Variants in ANO3 observed in about 807,000 individuals in gnomAD.
ANO3 encodes the protein anoctamin-3.
Under a neutral mutation model 144.8 loss-of-function variants are expected in ANO3, and 99 were observed. That is an observed-to-expected ratio of 0.68 (90% CI 0.58 to 0.81). ANO3 has a LOEUF of 0.81. Ranked by LOEUF, ANO3 falls within the 30% of genes least tolerant of loss-of-function variation. ANO3 has a pLI of 0.00. For synonymous variants in ANO3, 414 were observed against 392.6 expected (o/e 1.05, Z -0.64); for missense variants, 905 against 1,202.2 (o/e 0.75, Z 3.66).
intron 1 of ANO3, among the ~76,000 whole-genome samples, chr11:26,230,068 T>C (rs1852356754): frequency 6.6e-6 from 1 of 152,182 alleles, no homozygotes; most frequent in East Asian, 1.9e-4. Context: ...TAGACTGGCA[T>C]GGATAGACTA....
intron 17 of ANO3, among the ~76,000 whole-genome samples, chr11:26,600,408 T>C: frequency 2.2e-5 from 1 of 45,932 alleles, no homozygotes; most frequent in African/African-American, 9.1e-5. Context: ...CCACCTCCCT[T>C]CCCCTGCCCT....
At chr11:26,364,731 G>A (rs116323508) in intron 1 of ANO3, among the ~76,000 whole-genome samples, 337 of 152,292 alleles carry the variant, frequency 2.2e-3, no homozygotes, top group Non-Finnish European at 4.0e-3. Context: ...AATCATTCAT[G>A]AGAAATCCAC....
At chr11:26,575,930 C>T (rs538640603) in intron 14 of ANO3, among the ~76,000 whole-genome samples, 3 of 152,144 alleles carry the variant, frequency 2.0e-5, no homozygotes, top group Admixed American at 6.5e-5. Flanking sequence ...AGCGTTGTTA[C>T]AAGATGATGG....
chr11:26,404,892 G>T (rs1266530721), intron 1 of ANO3, among the ~76,000 whole-genome samples: 1 of 150,184 alleles, frequency 6.7e-6, no homozygotes, highest in Non-Finnish European at 1.5e-5. Context: ...TGGAAGATTT[G>T]CTAATAACCA....
chr11:26,386,634 T>C (rs1056274672), intron 1 of ANO3, among the ~76,000 whole-genome samples: 1 of 152,176 alleles, frequency 6.6e-6, no homozygotes, highest in Admixed American at 6.6e-5. Flanking sequence ...ATTTCTGTAG[T>C]ATTTGTGCCA....
At chr11:26,467,148 T>TA (rs1859628410) in intron 4 of ANO3, among the ~76,000 whole-genome samples, 1 of 151,980 alleles carries the variant, frequency 6.6e-6, no homozygotes, top group South Asian at 2.1e-4. Context: ...TGCAATGTTT[T>TA]AAACAGTTTA....
At chr11:26,294,241 C>T (rs995770569) in intron 1 of ANO3, among the ~76,000 whole-genome samples, 3 of 152,102 alleles carry the variant, frequency 2.0e-5, no homozygotes, top group African/African-American at 7.2e-5. Flanking sequence ...ATCATATTTT[C>T]GACATGAATT....
At chr11:26,259,250 T>A (rs540709895) in intron 1 of ANO3, among the ~76,000 whole-genome samples, 1 of 152,310 alleles carries the variant, frequency 6.6e-6, no homozygotes, top group South Asian at 2.1e-4. Context: ...TTTGTATCTA[T>A]CTCTCCCTCT....
intron 1 of ANO3, among the ~76,000 whole-genome samples, chr11:26,195,465 A>G (rs191958635): frequency 6.6e-6 from 1 of 152,330 alleles, no homozygotes; most frequent in Admixed American, 6.5e-5. Flanking sequence ...TTAAGAGTTA[A>G]TGTAGCCTTT....
intron 1 of ANO3, among the ~76,000 whole-genome samples, chr11:26,314,560 G>A (rs1854578299): frequency 6.6e-6 from 1 of 152,096 alleles, no homozygotes; most frequent in African/African-American, 2.4e-5. Context: ...GATTATAAGT[G>A]AGAAAGGCAA....
intron 1 of ANO3, among the ~76,000 whole-genome samples, chr11:26,272,726 T>C (rs1028206820): frequency 6.6e-6 from 1 of 152,068 alleles, no homozygotes; most frequent in African/African-American, 2.4e-5. Context: ...AGAAAGGATA[T>C]CTATCTGCCT....
At chr11:26,277,417 T>A (rs56347193) in intron 1 of ANO3, among the ~76,000 whole-genome samples, 13,308 of 152,170 alleles carry the variant, frequency 0.087, 781 homozygotes, top group Non-Finnish European at 0.13. Flanking sequence ...AATTCTCATA[T>A]TGTCATCTTA....
intron 1 of ANO3, among the ~76,000 whole-genome samples, chr11:26,295,712 T>A (rs544266640): frequency 6.6e-6 from 1 of 152,248 alleles, no homozygotes; most frequent in African/African-American, 2.4e-5. Context: ...AGTTGTCAAA[T>A]CAGATTAAAA....
chr11:26,302,106 T>A (rs1590245262), intron 1 of ANO3, among the ~76,000 whole-genome samples: 2 of 152,214 alleles, frequency 1.3e-5, no homozygotes, highest in South Asian at 2.1e-4. Flanking sequence ...CTGTCTCATA[T>A]AATTTCTTAT....
intron 1 of ANO3, among the ~76,000 whole-genome samples, chr11:26,421,609 C>T (rs1369618337): frequency 6.6e-6 from 1 of 151,842 alleles, no homozygotes; most frequent in Non-Finnish European, 1.5e-5. Context: ...AGGTATCTTG[C>T]TATATTCTAA....
chr11:26,421,516 C>T (rs1185463324), intron 1 of ANO3, among the ~76,000 whole-genome samples: 1 of 151,942 alleles, frequency 6.6e-6, no homozygotes, highest in African/African-American at 2.4e-5. Flanking sequence ...TTACTAAGCC[C>T]CACAGGCAGA....
intron 1 of ANO3, among the ~76,000 whole-genome samples, chr11:26,362,157 C>T (rs1035324167): frequency 2.6e-5 from 4 of 152,116 alleles, no homozygotes; most frequent in Non-Finnish European, 5.9e-5. Context: ...ATCGCACACT[C>T]ATAATTGTTC....
chr11:26,640,553 C>T (rs1293496357), intron 21 of ANO3, among the ~76,000 whole-genome samples: 1 of 152,070 alleles, frequency 6.6e-6, no homozygotes, highest in African/African-American at 2.4e-5. Context: ...TGTGAGTACT[C>T]CATAAGTATC....
rs1456599525 is a variant in ANO3 at position 26,662,535 on chromosome 11, TATAAAGA to T, written c.*2096_*2102del. ...AACAGCAACATTTGTCTGACAGTAG[TATAAAGA>T]ATAATGATAGCTCTATCCTTAAGAA... is the stretch of plus-strand genomic sequence containing the variant. On this transcript the variant is annotated 3_prime_UTR_variant, in exon 27 of 27. Coordinates refer to ENST00000256737, the MANE Select transcript of ANO3 (RefSeq NM_031418.4). 7.9e-5 allele frequency: 12 copies of T among 152,036 alleles called. No homozygotes were observed. Among genetic ancestry groups the T allele is most frequent in the African/African-American group, 2.9e-4 (12 of 41,424 alleles). 9.4% of individuals were successfully genotyped at this position (152,036 alleles called of 1,614,324 possible). A position where few individuals can be genotyped will look rare whatever the true frequency, so the allele number is the denominator to read the frequency against.
Sources: allele counts gnomAD v4.1 joint callset (sites outside exome capture counted in the v4.1 genomes callset), GRCh38; gene constraint gnomAD v4.1.1; transcripts MANE v1.5; gene names NCBI Gene and HGNC (gene_info 2026-07-23, HGNC 2026-07-21).